Variants in DCAF6 observed in about 807,000 individuals in gnomAD.
DCAF6 encodes the protein DDB1 and CUL4 associated factor 6.
DCAF6 carries 54 observed loss-of-function variants against 125.1 expected under a neutral mutation model. The ratio of observed to expected loss-of-function variants is 0.43; its 90% CI spans 0.35 to 0.54. The LOEUF is 0.54. Among genes scored for constraint, DCAF6 ranks in the 20% least tolerant of loss-of-function variants. The probability of loss-of-function intolerance (pLI) is 0.01; values close to 1 mark genes in which losing one functional copy is unlikely to be tolerated. For synonymous variants in DCAF6, 371 were observed against 390.4 expected, an observed-to-expected ratio of 0.95 and a Z score of 0.58; for missense variants, 934 against 1,161.7, an observed-to-expected ratio of 0.80 and a Z score of 2.85.
At chr1:167,882,891 CA>C in the DCAF6 span, among the ~76,000 whole-genome samples, 2 of 152,184 alleles carry the variant, frequency 1.3e-5, no homozygotes, top group Non-Finnish European at 2.9e-5. Context: ...AGGATAATGA[CA>C]AGAGCAACCT....
chr1:168,066,567 T>A (rs979255908), intron 20 of DCAF6, 102 bp downstream of exon 20: 10 of 762,678 alleles, frequency 1.3e-5, no homozygotes, highest in Middle Eastern at 7.5e-4. Flanking sequence ...ATGAAACAAG[T>A]TAATGCAGTT....
At chr1:167,972,246 A>G (rs563236789) in intron 3 of DCAF6, among the ~76,000 whole-genome samples, 1 of 152,334 alleles carries the variant, frequency 6.6e-6, no homozygotes, top group South Asian at 2.1e-4. Flanking sequence ...ACATACCCAT[A>G]TTGGCTGTAT....
At position 168,019,485 on chromosome 1, in the gene DCAF6, T is replaced by C. The variant is rs554285793; in HGVS notation, c.1550-3503T>C. The C allele has an allele frequency of 7.3e-5, 32 of 439,028 alleles. 1 individual carries two copies. Among genetic ancestry groups the C allele is most frequent in the African/African-American group, 5.2e-4 (26 of 49,850 alleles). 27.2% of individuals were successfully genotyped at this position (439,028 alleles called of 1,614,324 possible). A position where few individuals can be genotyped will look rare whatever the true frequency, so the allele number is the denominator to read the frequency against. On this transcript the variant is annotated intron_variant, in intron 11 of 21. Coordinates refer to ENST00000367840, the MANE Select transcript of DCAF6 (RefSeq NM_001198956.2). ...GTATCAGATGAATGTCCTAAACAGG[T>C]ATGGCAGAGGCATTCAGCATATGGC...
At chr1:168,068,065 A>G (rs1243049432) in intron 20 of DCAF6, among the ~76,000 whole-genome samples, 1 of 152,196 alleles carries the variant, frequency 6.6e-6, no homozygotes, top group Non-Finnish European at 1.5e-5. Flanking sequence ...CTGAGAAGCA[A>G]ATTGCAAGTA....
rs977213787 is a variant in DCAF6 at position 167,936,830 on chromosome 1, C to T, written c.-82C>T. 5.6e-6 allele frequency: 7 copies of T among 1,257,320 alleles called. No homozygotes were observed. The highest frequency in any genetic ancestry group is 3.4e-6 in the Non-Finnish European group (3 of 887,594). 77.9% of individuals were successfully genotyped at this position (1,257,320 alleles called of 1,614,324 possible). A position where few individuals can be genotyped will look rare whatever the true frequency, so the allele number is the denominator to read the frequency against. ...GCGCGCGGATGGTGCCGGTGCGGCT[C>T]GGGTGTTGAAACGGGTGTCCCCTCC... On this transcript the variant is annotated 5_prime_UTR_variant, in exon 1 of 22. Coordinates refer to ENST00000367840, the MANE Select transcript of DCAF6 (RefSeq NM_001198956.2).
chr1:167,977,276 T>C (rs1678396906), intron 4 of DCAF6, among the ~76,000 whole-genome samples: 1 of 151,564 alleles, frequency 6.6e-6, no homozygotes, highest in Admixed American at 6.6e-5. Flanking sequence ...TTTCTTTCCT[T>C]CATTCATTCT....
rs746579186 is a variant in DCAF6, at chr1:168,065,692, C to G, written c.2542C>G (p.Leu848Val). 1.1e-5 allele frequency: 18 copies of G among 1,613,072 alleles called. No homozygotes were observed. The highest frequency in any genetic ancestry group is 1.5e-5 in the Non-Finnish European group (18 of 1,179,406). The change falls in exon 19 of 22, where the codon CTG becomes GTG. Residue 848 changes from leucine to valine, a missense_variant. Leu to Val is a conservative substitution (Grantham distance 32). This residue lies in a region of DCAF6 where 559 missense variants were observed against 635.5 expected (regional missense o/e 0.88). Transcript: ENST00000367840. ...GCACACTGCTGAGCATTTGATGCTTCTGGAAGCTGATAATCATGTGGTAAA... is the reference window on the plus strand; with the variant it reads ...GCACACTGCTGAGCATTTGATGCTTGTGGAAGCTGATAATCATGTGGTAAA... ...DRHTAEHLML[L>V]EADNHVVNCL...
the DCAF6 span, chr1:167,901,646 C>T: frequency 1.2e-6 from 2 of 1,613,636 alleles, no homozygotes; most frequent in Non-Finnish European, 1.7e-6. Flanking sequence ...GGATTTATTC[C>T]TTCTCAAATG....
At chr1:168,010,127 T>A (rs1298636862) in intron 10 of DCAF6, among the ~76,000 whole-genome samples, 4 of 152,208 alleles carry the variant, frequency 2.6e-5, no homozygotes, top group Non-Finnish European at 4.4e-5. Context: ...ATTAGCTGTC[T>A]AACCATTTAT....
chr1:168,031,798 G>A (rs1687131175), intron 12 of DCAF6, among the ~76,000 whole-genome samples: 1 of 152,134 alleles, frequency 6.6e-6, no homozygotes, highest in Non-Finnish European at 1.5e-5. Context: ...CACATGGCGT[G>A]GGCGTATTTA....
chr1:167,926,148 C>G, the DCAF6 span, among the ~76,000 whole-genome samples: 10 of 152,196 alleles, frequency 6.6e-5, no homozygotes, highest in Admixed American at 5.9e-4. Context: ...CATCTGGTAT[C>G]TAACCATTTT....
At chr1:167,945,336 C>G (rs200513174) in intron 1 of DCAF6, among the ~76,000 whole-genome samples, 1 of 152,006 alleles carries the variant, frequency 6.6e-6, no homozygotes, top group African/African-American at 2.4e-5. Context: ...TAATGATATT[C>G]TTCTGAATAT....
intron 4 of DCAF6, among the ~76,000 whole-genome samples, chr1:167,984,622 T>C (rs1679675113): frequency 6.6e-6 from 1 of 152,136 alleles, no homozygotes; most frequent in African/African-American, 2.4e-5. Context: ...ATAAGTAAAC[T>C]GCTGACTTGA....
At chr1:167,977,819 C>G (rs1001782203) in intron 4 of DCAF6, among the ~76,000 whole-genome samples, 1 of 152,062 alleles carries the variant, frequency 6.6e-6, no homozygotes, top group Non-Finnish European at 1.5e-5. Context: ...TACCTAAATC[C>G]TAAGTATATG....
chr1:167,985,502 C>T (rs1282779048), intron 4 of DCAF6, among the ~76,000 whole-genome samples: 1 of 152,096 alleles, frequency 6.6e-6, no homozygotes, highest in Non-Finnish European at 1.5e-5. Context: ...TTCTCTGACT[C>T]TGACTCTCCT....
At chr1:167,975,084 G>C in intron 4 of DCAF6, 69 bp downstream of exon 4, 4 of 950,082 alleles carry the variant, frequency 4.2e-6, no homozygotes, top group South Asian at 2.7e-5. Flanking sequence ...ACATACATGT[G>C]TAGATGCATG....
chr1:167,910,208 T>C, the DCAF6 span, among the ~76,000 whole-genome samples: 22 of 152,354 alleles, frequency 1.4e-4, no homozygotes, highest in East Asian at 4.0e-3. Flanking sequence ...GTTTTGTGTT[T>C]CCTTGTTGGT....
At chr1:168,074,550 C>G (rs571863923) in intron 21 of DCAF6, among the ~76,000 whole-genome samples, 1 of 152,216 alleles carries the variant, frequency 6.6e-6, no homozygotes, top group East Asian at 1.9e-4. Flanking sequence ...GAAGTAACTC[C>G]TGCCCTCCAG....
intron 12 of DCAF6, 77 bp downstream of exon 12, chr1:168,023,124 C>T: frequency 3.6e-6 from 5 of 1,375,552 alleles, no homozygotes; most frequent in Non-Finnish European, 4.1e-6. Flanking sequence ...TCTCTCACAC[C>T]TTTCGTAGCA....
Sources: gnomAD v4.1 joint callset for allele counts (sites outside exome capture counted in the v4.1 genomes callset) on GRCh38, gnomAD v4.1.1 for gene constraint, gnomAD v4.1.1 regional missense constraint, MANE v1.5 for transcripts, NCBI Gene and HGNC (gene_info 2026-07-23, HGNC 2026-07-21) for gene names.